Variants in CERS3 observed in about 807,000 individuals in gnomAD.
CERS3 encodes the protein LAG1 homolog, ceramide synthase 3.
A neutral mutation model predicts 50.3 loss-of-function variants in CERS3; 33 were observed. That is an observed-to-expected ratio of 0.66 (90% confidence interval 0.50 to 0.88). CERS3 has a LOEUF of 0.88. Among genes scored for constraint, CERS3 ranks in the 40% least tolerant of loss-of-function variants. The pLI, the probability that CERS3 is intolerant of heterozygous loss-of-function variation, is 0.00. For synonymous variants in CERS3, 176 were observed against 155.2 expected (o/e 1.13, Z -0.99); for missense variants, 470 against 460.3 (o/e 1.02, Z -0.19).
chr15:100,466,486 C>A (rs553464588), intron 10 of CERS3, among the ~76,000 whole-genome samples: 18 of 152,128 alleles, frequency 1.2e-4, no homozygotes, highest in African/African-American at 3.6e-4. Context: ...GATTTAGTGA[C>A]CTGGTTCCAA....
At chr15:100,486,942 A>G (rs972291324) in intron 4 of CERS3, among the ~76,000 whole-genome samples, 1 of 152,232 alleles carries the variant, frequency 6.6e-6, no homozygotes, top group Middle Eastern at 3.2e-3. Context: ...ATTAATAAAC[A>G]TATATAGAAG....
At chr15:100,456,543 C>A (rs2034378605) in intron 10 of CERS3, among the ~76,000 whole-genome samples, 1 of 152,210 alleles carries the variant, frequency 6.6e-6, no homozygotes, top group Admixed American at 6.5e-5. Flanking sequence ...GAGTACTTAA[C>A]ACTTCTGCTT....
intron 5 of CERS3, among the ~76,000 whole-genome samples, chr15:100,483,781 A>T (rs55674035): frequency 0.4 from 30,103 of 75,858 alleles, 5,308 homozygotes; most frequent in Non-Finnish European, 0.42. Context: ...AATAATTATT[A>T]TTATTATTTT....
rs1438936014 is a variant in CERS3 at position 100,402,539 on chromosome 15, A to G, written c.*174T>C. On this transcript the variant is annotated 3_prime_UTR_variant, in exon 12 of 12. Coordinates refer to ENST00000679737, the MANE Select transcript of CERS3 (RefSeq NM_001378789.1). ...AGTAAAAATCCATGGGCATGCTTATATTTAACATTTTAACACAAGTTAACA... is the reference window on the plus strand; with the variant it reads ...AGTAAAAATCCATGGGCATGCTTATGTTTAACATTTTAACACAAGTTAACA... 1.6e-6 allele frequency: 1 copy of G among 622,692 alleles called. No homozygotes were observed. Among genetic ancestry groups the G allele is most frequent in the East Asian group, 2.8e-5 (1 of 35,212 alleles). 38.6% of individuals were successfully genotyped at this position (622,692 alleles called of 1,614,324 possible). A position where few individuals can be genotyped will look rare whatever the true frequency, so the allele number is the denominator to read the frequency against.
Position 100,501,860 on chromosome 15 carries a change from T to C in CERS3, c.-1-10A>G. 1 of 1,613,196 alleles carries C rather than the reference T, an allele frequency of 6.2e-7. No homozygotes were observed. The highest frequency in any genetic ancestry group is 8.5e-7 in the Non-Finnish European group (1 of 1,179,566). ...AAACGTCCAAAACATTCTAGAGAAA[T>C]GGAAACAGACATTAGGCTTGTAAAA... On this transcript the variant is annotated splice_polypyrimidine_tract_variant and intron_variant, in intron 2 of 11. Transcript: ENST00000679737.
chr15:100,443,592 C>T (rs2033801579), intron 11 of CERS3, among the ~76,000 whole-genome samples: 1 of 149,390 alleles, frequency 6.7e-6, no homozygotes, highest in African/African-American at 2.5e-5. Flanking sequence ...CCTCTTTTCA[C>T]TTTCACTTGG....
At chr15:100,405,620 C>A (rs1481568510) in intron 11 of CERS3, among the ~76,000 whole-genome samples, 3 of 152,144 alleles carry the variant, frequency 2.0e-5, no homozygotes, top group African/African-American at 7.2e-5. Context: ...ACATGAATAT[C>A]ATTTTCATGA....
intron 10 of CERS3, among the ~76,000 whole-genome samples, chr15:100,463,381 G>A (rs111709789): frequency 0.014 from 1,942 of 134,048 alleles, 52 homozygotes; most frequent in African/African-American, 0.051. Context: ...GTTGCAGTGA[G>A]CTAAGATCAG....
intron 10 of CERS3, among the ~76,000 whole-genome samples, chr15:100,463,992 T>G (rs1000254291): frequency 6.6e-6 from 1 of 152,190 alleles, no homozygotes; most frequent in Non-Finnish European, 1.5e-5. Context: ...CTTTCTCTGT[T>G]TTTTAAAACT....
intron 11 of CERS3, among the ~76,000 whole-genome samples, chr15:100,423,335 A>C (rs2032587877): frequency 6.6e-6 from 1 of 152,212 alleles, no homozygotes; most frequent in South Asian, 2.1e-4. Flanking sequence ...TCATCATAGC[A>C]CTATTCACAA....
intron 11 of CERS3, among the ~76,000 whole-genome samples, chr15:100,444,804 A>C (rs1436716440): frequency 6.6e-6 from 1 of 152,208 alleles, no homozygotes; most frequent in Non-Finnish European, 1.5e-5. Context: ...GGATAGGTAG[A>C]GGCCTTTCCC....
chr15:100,477,147 T>C (rs2035154107), intron 7 of CERS3, among the ~76,000 whole-genome samples: 1 of 152,112 alleles, frequency 6.6e-6, no homozygotes, highest in African/African-American at 2.4e-5. Flanking sequence ...AGAAAATAAA[T>C]GGTTGTTGTT....
intron 3 of CERS3, among the ~76,000 whole-genome samples, chr15:100,494,589 G>A (rs2035756449): frequency 6.6e-6 from 1 of 152,094 alleles, no homozygotes; most frequent in South Asian, 2.1e-4. Context: ...TGTGAGCACT[G>A]AAGGCTTTAT....
At chr15:100,464,441 C>G (rs2034649574) in intron 10 of CERS3, among the ~76,000 whole-genome samples, 1 of 152,162 alleles carries the variant, frequency 6.6e-6, no homozygotes, top group Non-Finnish European at 1.5e-5. Context: ...GCCACCCTGC[C>G]CCCTGCACAC....
At chr15:100,541,542 G>A (rs1366531756) in intron 1 of CERS3, among the ~76,000 whole-genome samples, 1 of 152,126 alleles carries the variant, frequency 6.6e-6, no homozygotes, top group African/African-American at 2.4e-5. Context: ...GAAAGAAACT[G>A]GAATCTTTGT....
At chr15:100,478,212 A>G (rs2035194209) in intron 7 of CERS3, among the ~76,000 whole-genome samples, 1 of 152,246 alleles carries the variant, frequency 6.6e-6, no homozygotes, top group Non-Finnish European at 1.5e-5. Context: ...ATCAAAAAAT[A>G]TAATAACTGA....
At chr15:100,406,949 G>C (rs1464495181) in intron 11 of CERS3, among the ~76,000 whole-genome samples, 1 of 152,194 alleles carries the variant, frequency 6.6e-6, no homozygotes, top group African/African-American at 2.4e-5. Flanking sequence ...GAGAGAGAGA[G>C]AGCTTGTGCA....
intron 11 of CERS3, among the ~76,000 whole-genome samples, chr15:100,421,542 C>A (rs907275809): frequency 6.6e-6 from 1 of 150,818 alleles, no homozygotes; most frequent in Admixed American, 6.6e-5. Context: ...CCATCCCCAT[C>A]AAGCTACCAA....
At chr15:100,459,463 T>A (rs1369803921) in intron 10 of CERS3, among the ~76,000 whole-genome samples, 2 of 152,066 alleles carry the variant, frequency 1.3e-5, no homozygotes, top group Non-Finnish European at 2.9e-5. Flanking sequence ...ACCTGGCCAA[T>A]TTTTGTATTT....
Sources: allele counts gnomAD v4.1 joint callset (sites outside exome capture counted in the v4.1 genomes callset), GRCh38; gene constraint gnomAD v4.1.1; transcripts MANE v1.5; gene names NCBI Gene and HGNC (gene_info 2026-07-23, HGNC 2026-07-21).